SLC25A12: variants seen among roughly 807,000 people sequenced by gnomAD.
SLC25A12 encodes the protein solute carrier family 25 member 12.
In SLC25A12, 32 loss-of-function variants were observed where a neutral mutation model predicts 83.3. The ratio of observed to expected loss-of-function variants is 0.38; its 90% confidence interval spans 0.29 to 0.52. The LOEUF (loss-of-function observed/expected upper bound fraction) is 0.52, where lower values mean the gene tolerates loss of function less well. Ranked by LOEUF, SLC25A12 falls within the 20% of genes least tolerant of loss-of-function variation. SLC25A12 has a pLI of 0.84. For missense variants in SLC25A12, 611 were observed against 835.6 expected (o/e 0.73, Z 3.31); for synonymous variants, 267 against 291.1 (o/e 0.92, Z 0.84).
rs1491351074 is a variant in SLC25A12, at chr2:171,876,542, TTG to T, written c.67-7721_67-7720del. Reference sequence around the variant, plus strand: ...AATCAGGGGTTTGGGTTTTTTTTTTTTGGGGGGGGGGGGACTCAAGTGATCCT... The same window carrying T: ...AATCAGGGGTTTGGGTTTTTTTTTTTGGGGGGGGGGGACTCAAGTGATCCT... On this transcript the variant is annotated intron_variant, in intron 2 of 17. Transcript: ENST00000422440. Among the ~76,000 whole-genome samples the T allele has an allele frequency of 1.2e-3, 31 of 24,946 alleles. 1 individual carries two copies. Among genetic ancestry groups the T allele is most frequent in the Admixed American group, 4.9e-4 (2 of 4,102 alleles). The allele number at this position is 24,946 out of a possible 152,430, so 16.4% of individuals were successfully genotyped here.
chr2:171,827,170 C>T (rs1219739695), intron 8 of SLC25A12, among the ~76,000 whole-genome samples: 2 of 152,198 alleles, frequency 1.3e-5, no homozygotes, highest in Non-Finnish European at 2.9e-5. Context: ...TAGAGATTGA[C>T]TGTCCCTACC....
chr2:171,793,121 TTG>T (rs1286854700), intron 14 of SLC25A12, among the ~76,000 whole-genome samples: 1 of 151,752 alleles, frequency 6.6e-6, no homozygotes, highest in African/African-American at 2.4e-5. Context: ...TGTTGTTGGT[TTG>T]TTTTTTTTTT....
intron 13 of SLC25A12, among the ~76,000 whole-genome samples, chr2:171,803,837 G>A (rs974643974): frequency 2.9e-4 from 40 of 136,912 alleles, no homozygotes; most frequent in East Asian, 5.2e-4. Flanking sequence ...ACACACGCGC[G>A]CACACACATA....
chr2:171,882,216 G>C (rs1685709833), intron 2 of SLC25A12, among the ~76,000 whole-genome samples: 1 of 151,926 alleles, frequency 6.6e-6, no homozygotes, highest in Non-Finnish European at 1.5e-5. Context: ...CCCCCTTCTG[G>C]TAACTGCATG....
At chr2:171,789,297 C>T (rs1249065294) in intron 15 of SLC25A12, among the ~76,000 whole-genome samples, 6 of 152,086 alleles carry the variant, frequency 3.9e-5, no homozygotes, top group African/African-American at 7.2e-5. Flanking sequence ...GGCACAATCT[C>T]GGCTCACTGC....
intron 2 of SLC25A12, among the ~76,000 whole-genome samples, chr2:171,881,921 A>T (rs1282688861): frequency 1.3e-5 from 2 of 151,984 alleles, no homozygotes; most frequent in African/African-American, 4.8e-5. Context: ...GAGAGAAAAA[A>T]TTTTTCTGAA....
At chr2:171,880,017 T>C (rs1685656920) in intron 2 of SLC25A12, among the ~76,000 whole-genome samples, 1 of 152,184 alleles carries the variant, frequency 6.6e-6, no homozygotes. Flanking sequence ...AATGGTGTTA[T>C]GATTTGGTTA....
At chr2:171,866,837 G>C (rs1183150692) in intron 3 of SLC25A12, among the ~76,000 whole-genome samples, 1 of 149,418 alleles carries the variant, frequency 6.7e-6, no homozygotes, top group African/African-American at 2.5e-5. Flanking sequence ...CCTCCCGGAC[G>C]GGGTGGCTGC....
At chr2:171,883,927 C>T (rs1306989998) in intron 2 of SLC25A12, among the ~76,000 whole-genome samples, 2 of 151,992 alleles carry the variant, frequency 1.3e-5, no homozygotes, top group Non-Finnish European at 2.9e-5. Context: ...GTAGCATGAC[C>T]CTAGCTCACT....
chr2:171,865,665 A>AAT (rs1685274085), intron 3 of SLC25A12, among the ~76,000 whole-genome samples: 1 of 151,442 alleles, frequency 6.6e-6, no homozygotes, highest in East Asian at 1.9e-4. Flanking sequence ...CATCTCAAAA[A>AAT]ATATATATAT....
chr2:171,810,578 T>TGG (rs1683927799), intron 11 of SLC25A12, among the ~76,000 whole-genome samples: 1 of 152,236 alleles, frequency 6.6e-6, no homozygotes, highest in Non-Finnish European at 1.5e-5. Flanking sequence ...GCGTCTTCTC[T>TGG]ATTCTGGGAA....
intron 2 of SLC25A12, among the ~76,000 whole-genome samples, chr2:171,876,475 A>G (rs1225018723): frequency 1.3e-5 from 2 of 151,082 alleles, no homozygotes; most frequent in Non-Finnish European, 2.9e-5. Flanking sequence ...GTATTATGCT[A>G]ACAAAGAAAA....
chr2:171,811,352 T>C (rs1683941499), intron 11 of SLC25A12, among the ~76,000 whole-genome samples: 1 of 152,130 alleles, frequency 6.6e-6, no homozygotes, highest in Admixed American at 6.5e-5. Context: ...AAAGAACAAA[T>C]CAGCAGATGG....
chr2:171,803,831 ACGCG>A (rs1391779571), intron 13 of SLC25A12, among the ~76,000 whole-genome samples: 2 of 129,822 alleles, frequency 1.5e-5, no homozygotes, highest in African/African-American at 3.5e-5. Context: ...ACACACACAC[ACGCG>A]CGCACACACA....
intron 3 of SLC25A12, among the ~76,000 whole-genome samples, chr2:171,866,521 C>T (rs1685312792): frequency 6.9e-6 from 1 of 145,430 alleles, no homozygotes; most frequent in Non-Finnish European, 1.5e-5. Context: ...CTCCTCACTT[C>T]CCAGTAGGGG....
chr2:171,859,220 T>C (rs1353380837), intron 3 of SLC25A12, among the ~76,000 whole-genome samples: 3 of 152,224 alleles, frequency 2.0e-5, no homozygotes, highest in Non-Finnish European at 2.9e-5. Flanking sequence ...CATCCCTCAA[T>C]ACTCAGTTAC....
chr2:171,830,028 G>A (rs1161872295), intron 8 of SLC25A12, among the ~76,000 whole-genome samples: 1 of 152,224 alleles, frequency 6.6e-6, no homozygotes, highest in Non-Finnish European at 1.5e-5. Flanking sequence ...GGGCAAGGAG[G>A]AAAATCTAGC....
At chr2:171,811,669 C>A (rs536701855) in intron 11 of SLC25A12, among the ~76,000 whole-genome samples, 1 of 152,288 alleles carries the variant, frequency 6.6e-6, no homozygotes, top group Admixed American at 6.5e-5. Context: ...AAAAGTCTCT[C>A]ATTTAAAGAA....
chr2:171,801,920 TGTGTGTG>T (rs1683716464), intron 13 of SLC25A12, among the ~76,000 whole-genome samples: 1 of 148,690 alleles, frequency 6.7e-6, no homozygotes, highest in Non-Finnish European at 1.5e-5. Flanking sequence ...TGTGTGTGTG[TGTGTGTG>T]TGTGTGTGTG....
Sources: gnomAD v4.1 joint callset for allele counts (sites outside exome capture counted in the v4.1 genomes callset) on GRCh38, gnomAD v4.1.1 for gene constraint, MANE v1.5 for transcripts, NCBI Gene and HGNC (gene_info 2026-07-23, HGNC 2026-07-21) for gene names.